CTNNA2: variants seen among roughly 807,000 people sequenced by gnomAD.
CTNNA2 encodes the protein catenin alpha 2, also known as catenin alpha-2.
Under a neutral mutation model 101.0 loss-of-function variants are expected in CTNNA2, and 42 were observed. The ratio of observed to expected loss-of-function variants is 0.42; its 90% confidence interval spans 0.32 to 0.54. The LOEUF (loss-of-function observed/expected upper bound fraction) is 0.54. CTNNA2 is among the 20% of genes least tolerant of loss of function. The pLI is 0.14. For synonymous variants in CTNNA2, 450 were observed against 456.4 expected (o/e 0.99, Z 0.18); for missense variants, 871 against 1,223.1 (o/e 0.71, Z 4.29).
intron 1 of CTNNA2, among the ~76,000 whole-genome samples, chr2:79,553,277 T>C (rs564502624): frequency 2.0e-5 from 3 of 152,206 alleles, no homozygotes; most frequent in Non-Finnish European, 4.4e-5. Context: ...ATCAGTATTT[T>C]TGTCAAAACC....
At chr2:79,748,497 A>T (rs1470587275) in intron 3 of CTNNA2, among the ~76,000 whole-genome samples, 1 of 152,040 alleles carries the variant, frequency 6.6e-6, no homozygotes, top group East Asian at 1.9e-4. Context: ...TTACTATTGC[A>T]TTGTTTTTGT....
At chr2:80,058,413 A>G (rs891916677) in intron 7 of CTNNA2, among the ~76,000 whole-genome samples, 5 of 152,172 alleles carry the variant, frequency 3.3e-5, no homozygotes, top group Non-Finnish European at 7.3e-5. Flanking sequence ...CTCCTTTTTG[A>G]TCAAGGGCCT....
intron 6 of CTNNA2, among the ~76,000 whole-genome samples, chr2:79,874,588 A>T (rs557942578): frequency 1.4e-4 from 22 of 152,300 alleles, no homozygotes; most frequent in African/African-American, 5.1e-4. Context: ...TGGGAGGCCG[A>T]GGTGGGTGGA....
At chr2:80,292,854 G>A (rs1385615142) in intron 7 of CTNNA2, among the ~76,000 whole-genome samples, 1 of 152,096 alleles carries the variant, frequency 6.6e-6, no homozygotes, top group Non-Finnish European at 1.5e-5. Context: ...ATGTTTAGTG[G>A]CATTTCAGTT....
At chr2:80,088,059 G>A (rs770758293) in intron 7 of CTNNA2, among the ~76,000 whole-genome samples, 1 of 152,026 alleles carries the variant, frequency 6.6e-6, no homozygotes, top group Non-Finnish European at 1.5e-5. Context: ...TCATGGAAAG[G>A]TGACTGTGCT....
intron 7 of CTNNA2, among the ~76,000 whole-genome samples, chr2:80,020,411 A>C (rs897868125): frequency 3.9e-5 from 6 of 152,166 alleles, no homozygotes; most frequent in Admixed American, 3.9e-4. Context: ...AGGTAGAAAA[A>C]TCTGCTCATT....
chr2:79,381,069 G>T (rs1678033186), intron 4 of CTNNA2, among the ~76,000 whole-genome samples: 1 of 152,122 alleles, frequency 6.6e-6, no homozygotes, highest in Admixed American at 6.5e-5. Context: ...GGGACAGATT[G>T]GTTATGTCAA....
chr2:79,282,685 C>A (rs1317042818), intron 2 of CTNNA2, among the ~76,000 whole-genome samples: 2 of 144,494 alleles, frequency 1.4e-5, no homozygotes, highest in East Asian at 4.2e-4. Flanking sequence ...GGTTCCAAGT[C>A]TTTGCTATTG....
At chr2:80,464,791 G>A (rs546697883) in intron 9 of CTNNA2, among the ~76,000 whole-genome samples, 3 of 152,178 alleles carry the variant, frequency 2.0e-5, no homozygotes, top group South Asian at 2.1e-4. Flanking sequence ...AACACATGAG[G>A]AAGGTACTAG....
intron 7 of CTNNA2, among the ~76,000 whole-genome samples, chr2:80,108,127 GAATC>G (rs1701001976): frequency 6.6e-6 from 1 of 152,164 alleles, no homozygotes. Context: ...ATTTTAATGA[GAATC>G]AAGCAGAGTA....
At chr2:79,255,022 A>C (rs1178529701) in intron 2 of CTNNA2, among the ~76,000 whole-genome samples, 6 of 152,268 alleles carry the variant, frequency 3.9e-5, no homozygotes, top group Non-Finnish European at 8.8e-5. Context: ...CCTTACCAGA[A>C]CCTGAGAGAG....
chr2:79,738,561 C>T (rs868169924), intron 2 of CTNNA2, among the ~76,000 whole-genome samples: 8 of 152,078 alleles, frequency 5.3e-5, no homozygotes, highest in African/African-American at 1.2e-4. Flanking sequence ...GTTTGGTGGA[C>T]GGTAATGTAT....
chr2:79,508,734 GAAGA>G (rs1671465690), upstream of CTNNA2, among the ~76,000 whole-genome samples: 1 of 151,788 alleles, frequency 6.6e-6, no homozygotes, highest in South Asian at 2.1e-4. Context: ...AGAAAGTCAT[GAAGA>G]TAGATAAAAA....
chr2:79,705,667 T>C (rs755216368), intron 2 of CTNNA2, among the ~76,000 whole-genome samples: 21 of 152,336 alleles, frequency 1.4e-4, no homozygotes, highest in Admixed American at 6.5e-4. Flanking sequence ...TACTTTATGC[T>C]GTTTGTCCTT....
intron 7 of CTNNA2, among the ~76,000 whole-genome samples, chr2:79,981,456 G>T (rs1691262491): frequency 6.6e-6 from 1 of 151,912 alleles, no homozygotes; most frequent in Non-Finnish European, 1.5e-5. Context: ...GTGTTTTCTG[G>T]GTGTAATTTT....
chr2:79,657,509 T>C (rs1242952105), intron 2 of CTNNA2, among the ~76,000 whole-genome samples: 1 of 151,960 alleles, frequency 6.6e-6, no homozygotes, highest in African/African-American at 2.4e-5. Context: ...CTTGTAGCGC[T>C]GATATTCCAG....
At chr2:80,423,575 T>G (rs757958205) in intron 9 of CTNNA2, among the ~76,000 whole-genome samples, 1 of 152,188 alleles carries the variant, frequency 6.6e-6, no homozygotes, top group Non-Finnish European at 1.5e-5. Context: ...TTTGGATCAA[T>G]TTTGTTTTTG....
At chr2:80,500,995 T>C (rs7576475) in intron 9 of CTNNA2, among the ~76,000 whole-genome samples, 36,754 of 152,112 alleles carry the variant, frequency 0.24, 4,690 homozygotes, top group South Asian at 0.38. Context: ...AGGTTCACTT[T>C]GATTCCTTAT....
chr2:80,057,664 A>G lies in CTNNA2; in HGVS notation c.1056+147867A>G, dbSNP rs184720697. Among the ~76,000 whole-genome samples the G allele has an allele frequency of 2.2e-4, 33 of 152,300 alleles. No homozygotes were observed. The East Asian group carries it at 6.2e-3, about 29-fold the overall frequency. ...AGGAGGCAGCCTACGTTCTGAGCCC[A>G]GCCTTTCTTTTGTCCCTTGATCATT... On this transcript the variant is annotated intron_variant, in intron 7 of 18. Coordinates refer to ENST00000402739, the MANE Select transcript of CTNNA2 (RefSeq NM_001282597.3).
Sources: gnomAD v4.1 joint callset for allele counts (sites outside exome capture counted in the v4.1 genomes callset) on GRCh38, gnomAD v4.1.1 for gene constraint, MANE v1.5 for transcripts, NCBI Gene and HGNC (gene_info 2026-07-23, HGNC 2026-07-21) for gene names.